Variants in NELL1 observed in about 807,000 individuals in gnomAD.
NELL1 encodes protein kinase C-binding protein NELL1.
Under a neutral mutation model 107.4 loss-of-function variants are expected in NELL1, and 76 were observed. The ratio of observed to expected loss-of-function variants is 0.71; its 90% CI spans 0.59 to 0.86. The LOEUF is 0.86. NELL1 is among the 40% of genes least tolerant of loss of function. The pLI, the probability that NELL1 is intolerant of heterozygous loss-of-function variation, is 0.00. For synonymous variants in NELL1, 353 were observed against 341.2 expected (o/e 1.03, Z -0.38); for missense variants, 1,024 against 1,005.5 (o/e 1.02, Z -0.25).
In NELL1 at chr11:21,015,584, G is replaced by A. The variant is rs1247423704; in HGVS notation, c.1300+55024G>A. ...GCAGCTTTGTTTCCCCCTGTGGCTGGATCAATGCCATTGTGGAAAGGTCAG... is the reference window on the plus strand; with the variant it reads ...GCAGCTTTGTTTCCCCCTGTGGCTGAATCAATGCCATTGTGGAAAGGTCAG... On this transcript the variant is annotated intron_variant, in intron 12 of 19. Coordinates refer to ENST00000357134, the MANE Select transcript of NELL1 (RefSeq NM_006157.5). Among the ~76,000 whole-genome samples the A allele has an allele frequency of 3.3e-5, 5 of 152,024 alleles. No homozygotes were observed. In the East Asian group the frequency reaches 9.7e-4, roughly 29 times the overall value.
chr11:21,233,665 G>A (rs1158655218), intron 14 of NELL1, among the ~76,000 whole-genome samples: 3 of 152,232 alleles, frequency 2.0e-5, no homozygotes, highest in Non-Finnish European at 4.4e-5. Context: ...CTTGCAAACA[G>A]TTTCAAGTCA....
chr11:21,496,243 T>C (rs551718596), intron 15 of NELL1, among the ~76,000 whole-genome samples: 1 of 152,128 alleles, frequency 6.6e-6, no homozygotes, highest in East Asian at 1.9e-4. Flanking sequence ...CATATTATCA[T>C]TGCATTCCCA....
intron 12 of NELL1, among the ~76,000 whole-genome samples, chr11:21,016,267 G>A (rs1214622045): frequency 1.3e-5 from 2 of 152,112 alleles, no homozygotes; most frequent in Admixed American, 1.3e-4. Flanking sequence ...AATAGGTGAA[G>A]ATAAATTAAC....
intron 2 of NELL1, among the ~76,000 whole-genome samples, chr11:20,696,688 A>G (rs534317298): frequency 7.1e-4 from 108 of 152,226 alleles, no homozygotes; most frequent in African/African-American, 2.4e-3. Flanking sequence ...TTTTTGGTCT[A>G]CATCTTACCA....
chr11:21,087,280 G>A (rs1854417177), intron 12 of NELL1, among the ~76,000 whole-genome samples: 2 of 152,096 alleles, frequency 1.3e-5, no homozygotes, highest in Admixed American at 6.6e-5. Flanking sequence ...GAACAAGATA[G>A]GAAGAGGAAA....
At chr11:21,394,897 C>T (rs949427861) in intron 15 of NELL1, among the ~76,000 whole-genome samples, 1 of 151,396 alleles carries the variant, frequency 6.6e-6, no homozygotes, top group African/African-American at 2.4e-5. Flanking sequence ...AGTTCTCCTA[C>T]CCAGAAGGAG....
intron 12 of NELL1, among the ~76,000 whole-genome samples, chr11:21,045,758 C>T (rs1197625961): frequency 6.6e-6 from 1 of 152,124 alleles, no homozygotes; most frequent in Non-Finnish European, 1.5e-5. Context: ...CCTATATGGA[C>T]TCTAATTGAA....
intron 13 of NELL1, among the ~76,000 whole-genome samples, chr11:21,210,346 C>T (rs918275016): frequency 6.6e-5 from 10 of 152,106 alleles, no homozygotes; most frequent in Non-Finnish European, 1.0e-4. Context: ...TACACTTCCA[C>T]GAGCAATATC....
chr11:21,249,512 C>T (rs187699500), intron 14 of NELL1, among the ~76,000 whole-genome samples: 5 of 151,134 alleles, frequency 3.3e-5, no homozygotes, highest in African/African-American at 1.2e-4. Context: ...CATTTAGATG[C>T]CTCTTTTGAA....
intron 2 of NELL1, among the ~76,000 whole-genome samples, chr11:20,742,557 G>A (rs976240892): frequency 2.0e-5 from 3 of 152,120 alleles, no homozygotes; most frequent in African/African-American, 7.2e-5. Context: ...TGGCTAGGAG[G>A]CCTCACAATC....
chr11:21,388,695 C>T (rs964104472), intron 15 of NELL1, among the ~76,000 whole-genome samples: 8 of 151,838 alleles, frequency 5.3e-5, no homozygotes, highest in Non-Finnish European at 1.0e-4. Context: ...GCAACATGAG[C>T]TTCTCAATGA....
intron 14 of NELL1, among the ~76,000 whole-genome samples, chr11:21,333,629 T>C (rs1325829456): frequency 6.6e-6 from 1 of 152,060 alleles, no homozygotes; most frequent in Non-Finnish European, 1.5e-5. Flanking sequence ...ACTGTCACCA[T>C]GGGTTGTCGT....
intron 14 of NELL1, among the ~76,000 whole-genome samples, chr11:21,230,283 T>A (rs1222699047): frequency 1.3e-5 from 2 of 152,206 alleles, no homozygotes; most frequent in African/African-American, 4.8e-5. Context: ...GTAAGCTCCA[T>A]GACAGTGAAC....
At chr11:20,777,309 T>C (rs1291743614) in intron 2 of NELL1, among the ~76,000 whole-genome samples, 1 of 152,270 alleles carries the variant, frequency 6.6e-6, no homozygotes, top group Non-Finnish European at 1.5e-5. Flanking sequence ...GCATTAGCCC[T>C]GCCCTTGGCA....
chr11:21,434,447 T>A (rs567462573), intron 15 of NELL1, among the ~76,000 whole-genome samples: 1 of 152,286 alleles, frequency 6.6e-6, no homozygotes, highest in South Asian at 2.1e-4. Flanking sequence ...TTGAACAGGG[T>A]GCCCTTTACC....
At chr11:20,833,373 T>G (rs1261530721) in intron 3 of NELL1, among the ~76,000 whole-genome samples, 1 of 152,212 alleles carries the variant, frequency 6.6e-6, no homozygotes, top group Non-Finnish European at 1.5e-5. Context: ...AGAGTGACTG[T>G]GAACTGCAAT....
intron 12 of NELL1, among the ~76,000 whole-genome samples, chr11:20,968,761 T>G (rs1490400883): frequency 2.0e-5 from 3 of 152,212 alleles, no homozygotes; most frequent in Non-Finnish European, 2.9e-5. Context: ...TCAGGGACCC[T>G]GGCTCCTTTC....
intron 16 of NELL1, among the ~76,000 whole-genome samples, chr11:21,553,302 A>AAAAACATACTTCTTCCTTT (rs1281694548): frequency 2.6e-5 from 4 of 151,832 alleles, no homozygotes; most frequent in Non-Finnish European, 4.4e-5. Context: ...TGCAGACAGG[A>AAAAACATACTTCTTCCTTT]AAAACATACT....
chr11:21,277,556 C>T (rs1037434351), intron 14 of NELL1, among the ~76,000 whole-genome samples: 1 of 152,078 alleles, frequency 6.6e-6, no homozygotes, highest in East Asian at 1.9e-4. Context: ...TGGGTATATA[C>T]CCAAAGGATT....
Sources: gnomAD v4.1 joint callset for allele counts (sites outside exome capture counted in the v4.1 genomes callset) on GRCh38, gnomAD v4.1.1 for gene constraint, MANE v1.5 for transcripts, NCBI Gene and HGNC (gene_info 2026-07-23, HGNC 2026-07-21) for gene names.